The following MAP3K13 variants were observed in gnomAD, a reference collection of about 807,000 sequenced individuals.
The protein encoded by MAP3K13 is leucine zipper-bearing kinase.
Under a neutral mutation model 104.0 loss-of-function variants are expected in MAP3K13, and 52 were observed. That is an observed-to-expected ratio of 0.50 (90% CI 0.40 to 0.63). MAP3K13 has a LOEUF of 0.63. MAP3K13 is among the 20% of genes least tolerant of loss of function. The pLI is 0.00. For missense variants in MAP3K13, 914 were observed against 1,218.5 expected (o/e 0.75, Z 3.72); for synonymous variants, 394 against 442.2 (o/e 0.89, Z 1.37).
At chr3:185,391,181 C>T (rs916460583) in intron 1 of MAP3K13, among the ~76,000 whole-genome samples, 3 of 152,186 alleles carry the variant, frequency 2.0e-5, no homozygotes, top group African/African-American at 7.2e-5. Context: ...GAACTCTTTT[C>T]ATTTTGTAAA....
chr3:185,419,748 T>C (rs975157951), intron 1 of MAP3K13, among the ~76,000 whole-genome samples: 1 of 152,132 alleles, frequency 6.6e-6, no homozygotes, highest in African/African-American at 2.4e-5. Context: ...TAAAATACCA[T>C]ATATTATTTA....
intron 1 of MAP3K13, among the ~76,000 whole-genome samples, chr3:185,410,198 GCTGGGGATC>G (rs1354365131): frequency 6.6e-6 from 1 of 152,158 alleles, no homozygotes; most frequent in East Asian, 1.9e-4. Flanking sequence ...CGGTCTGGGA[GCTGGGGATC>G]CCTGGCCTAG....
Position 185,428,801 on chromosome 3 carries a change from G to GA in MAP3K13, c.221dup (p.Asp75GlyfsTer7). 6.2e-7 allele frequency: 1 copy of GA among 1,614,124 alleles called. No individual in the cohort carries two copies. Among genetic ancestry groups the GA allele is most frequent in the Non-Finnish European group, 8.5e-7 (1 of 1,180,014 alleles). Reference sequence around the variant, plus strand: ...CACAACAGTGTTGACGAGCGTAAGTGAGGATTCCAGGGACCAGTTTGAGAA... The same window carrying GA: ...CACAACAGTGTTGACGAGCGTAAGTGAAGGATTCCAGGGACCAGTTTGAGAA... On this transcript the variant is annotated frameshift_variant, in exon 2 of 14. Transcript: ENST00000265026. LOFTEE classifies it high-confidence loss of function.
At chr3:185,457,665 C>T (rs1452639268) in intron 7 of MAP3K13, among the ~76,000 whole-genome samples, 1 of 152,168 alleles carries the variant, frequency 6.6e-6, no homozygotes, top group Non-Finnish European at 1.5e-5. Context: ...ACATTCAGAC[C>T]ATAGCAGCAT....
chr3:185,368,304 C>T (rs989656548), intron 1 of MAP3K13, among the ~76,000 whole-genome samples: 1 of 152,162 alleles, frequency 6.6e-6, no homozygotes, highest in Non-Finnish European at 1.5e-5. Context: ...AATTTTCAAA[C>T]CCAGCTTTAA....
At chr3:185,427,272 G>A (rs938688097) in intron 1 of MAP3K13, among the ~76,000 whole-genome samples, 2 of 152,008 alleles carry the variant, frequency 1.3e-5, no homozygotes, top group African/African-American at 4.8e-5. Context: ...GCTGTGGCAG[G>A]AGAATTGCTT....
chr3:185,477,024 T>A, intron 11 of MAP3K13: 2 of 510,102 alleles, frequency 3.9e-6, no homozygotes, highest in Non-Finnish European at 7.5e-6. Context: ...CCTCTCCAAC[T>A]TCCCTCTCCA....
chr3:185,380,049 G>A (rs111492638), intron 1 of MAP3K13, among the ~76,000 whole-genome samples: 1 of 152,020 alleles, frequency 6.6e-6, no homozygotes, highest in Non-Finnish European at 1.5e-5. Flanking sequence ...AGCCGGGCAT[G>A]ATGGCAGGTG....
chr3:185,329,970 C>T (rs976117114), intron 2 of MAP3K13, among the ~76,000 whole-genome samples: 2 of 143,404 alleles, frequency 1.4e-5, no homozygotes, highest in African/African-American at 5.2e-5. Flanking sequence ...AGGTCCGCCT[C>T]CCGTGTTCAA....
At chr3:185,388,220 G>C (rs1711810675) in intron 1 of MAP3K13, among the ~76,000 whole-genome samples, 1 of 152,054 alleles carries the variant, frequency 6.6e-6, no homozygotes. Flanking sequence ...AAATTAAAGA[G>C]GCCAGGCACC....
rs973089661 is a variant in MAP3K13, at chr3:185,388,821, T to C, written c.-86+25453T>C. Among the ~76,000 whole-genome samples, 9 of 152,302 alleles carry C rather than the reference T, an allele frequency of 5.9e-5. 1 individual carries two copies. Among genetic ancestry groups the C allele is most frequent in the African/African-American group, 1.9e-4 (8 of 41,586 alleles). On this transcript the variant is annotated intron_variant, in intron 1 of 13. Coordinates refer to ENST00000265026, the MANE Select transcript of MAP3K13 (RefSeq NM_004721.5). ...CATAGTAACCAAAACAACATGGTAT[T>C]GGTATAAAAACAGACACACAGACCA...
chr3:185,291,901 T>TA, intron 2 of MAP3K13: 1 of 1,028,018 alleles, frequency 9.7e-7, no homozygotes, highest in Non-Finnish European at 1.2e-6. Context: ...GACAGTGCTT[T>TA]CCAAAAAAAA....
intron 1 of MAP3K13, among the ~76,000 whole-genome samples, chr3:185,427,670 G>A (rs551039249): frequency 1.3e-5 from 2 of 152,298 alleles, no homozygotes; most frequent in South Asian, 2.1e-4. Flanking sequence ...GATAAGACAC[G>A]AAAGCAAAGA....
intron 1 of MAP3K13, among the ~76,000 whole-genome samples, chr3:185,415,300 G>GT (rs939564804): frequency 5.9e-5 from 9 of 151,812 alleles, no homozygotes; most frequent in African/African-American, 1.5e-4. Context: ...CCACAGGCAT[G>GT]TGCCACCATG....
chr3:185,295,281 C>T (rs1475830492), intron 2 of MAP3K13, among the ~76,000 whole-genome samples: 1 of 152,168 alleles, frequency 6.6e-6, no homozygotes, highest in African/African-American at 2.4e-5. Flanking sequence ...TCTTGGCTCA[C>T]TGCAACCTCC....
At chr3:185,405,588 A>G (rs367988933) in intron 1 of MAP3K13, among the ~76,000 whole-genome samples, 1 of 152,354 alleles carries the variant, frequency 6.6e-6, no homozygotes, top group African/African-American at 2.4e-5. Flanking sequence ...GTCTTCTTCC[A>G]GACAGCAGCC....
At chr3:185,365,011 T>C (rs1302195568) in intron 1 of MAP3K13, among the ~76,000 whole-genome samples, 1 of 152,172 alleles carries the variant, frequency 6.6e-6, no homozygotes, top group Non-Finnish European at 1.5e-5. Context: ...AAAAATGTTG[T>C]TTAATAATCA....
intron 7 of MAP3K13, among the ~76,000 whole-genome samples, chr3:185,455,337 A>C (rs1308269815): frequency 1.6e-5 from 2 of 123,404 alleles, no homozygotes; most frequent in Non-Finnish European, 3.3e-5. Context: ...TATGATATAT[A>C]TGAGATATAT....
At chr3:185,303,842 A>G (rs762726785) in intron 2 of MAP3K13, among the ~76,000 whole-genome samples, 10 of 149,986 alleles carry the variant, frequency 6.7e-5, no homozygotes, top group Admixed American at 2.0e-4. Context: ...ATTTTTTATT[A>G]TTTCCTTCCT....
Sources: gnomAD v4.1 joint callset for allele counts (sites outside exome capture counted in the v4.1 genomes callset) on GRCh38, gnomAD v4.1.1 for gene constraint, MANE v1.5 for transcripts, NCBI Gene and HGNC (gene_info 2026-07-23, HGNC 2026-07-21) for gene names.